Variants in MTOR observed in about 807,000 individuals in gnomAD.
MTOR encodes the protein serine/threonine-protein kinase mTOR.
In MTOR, 70 loss-of-function variants were observed where a neutral mutation model predicts 319.8. That is an observed-to-expected ratio of 0.22 (90% CI 0.18 to 0.27). MTOR has a LOEUF of 0.27. Among genes scored for constraint, MTOR ranks in the 10% least tolerant of loss-of-function variants. The pLI is 1.00. For synonymous variants in MTOR, 1,183 were observed against 1,211.4 expected (o/e 0.98, Z 0.49); for missense variants, 1,890 against 3,274.4 (o/e 0.58, Z 10.32).
rs1642538943 is a variant in MTOR, at chr1:11,121,747, A to ATT, written c.6810+230_6810+231dup. On this transcript the variant is annotated intron_variant, in intron 48 of 57. Coordinates refer to ENST00000361445, the MANE Select transcript of MTOR (RefSeq NM_004958.4). This position sits in a 1 kb window ranked among gnomAD's most constrained non-coding sequence, Gnocchi z 4.9. ...CATTAGTAAATATATGGTGCCGAAT[A>ATT]TTTATCTGTCTAGTCTTCCCTAGGA... Among the ~76,000 whole-genome samples the ATT allele has an allele frequency of 6.6e-6, 1 of 152,174 alleles. No individual in the cohort carries two copies. Among genetic ancestry groups the ATT allele is most frequent in the Non-Finnish European group, 1.5e-5 (1 of 68,020 alleles).
At chr1:11,169,092 G>A (rs1644732701) in intron 28 of MTOR, among the ~76,000 whole-genome samples, 1 of 152,164 alleles carries the variant, frequency 6.6e-6, no homozygotes, top group South Asian at 2.1e-4. Flanking sequence ...CAGGATTTGA[G>A]TTCAATGTGG....
intron 28 of MTOR, among the ~76,000 whole-genome samples, chr1:11,174,301 G>A (rs994930317): frequency 6.6e-6 from 1 of 152,178 alleles, no homozygotes; most frequent in Non-Finnish European, 1.5e-5. Flanking sequence ...TGGGTGGGAT[G>A]TTTCCATTAA....
chr1:11,260,281 G>A (rs1056426841), intron 1 of MTOR, among the ~76,000 whole-genome samples: 3 of 152,276 alleles, frequency 2.0e-5, no homozygotes, highest in East Asian at 1.9e-4. Context: ...AGTGGCTCAC[G>A]CCTGTAATCC....
chr1:11,193,881 T>C, intron 28 of MTOR: 1 of 1,135,650 alleles, frequency 8.8e-7, no homozygotes, highest in Non-Finnish European at 1.2e-6. Flanking sequence ...AATCTGTATA[T>C]TCATTGTGAT....
chr1:11,184,193 T>C (rs1645241966), intron 28 of MTOR, among the ~76,000 whole-genome samples: 1 of 152,206 alleles, frequency 6.6e-6, no homozygotes, highest in Admixed American at 6.5e-5. Context: ...TATGAGATAG[T>C]TTTGATTTTT....
chr1:11,157,473 T>A (rs1046122431), intron 29 of MTOR, among the ~76,000 whole-genome samples, 182 bp from the exon 30 acceptor site: 2 of 152,072 alleles, frequency 1.3e-5, no homozygotes, highest in Non-Finnish European at 2.9e-5. Flanking sequence ...TTGGGGAAGG[T>A]GGAAATACTG....
At chr1:11,248,323 AGCAGCAGAGG>A (rs1407936563) in intron 6 of MTOR, among the ~76,000 whole-genome samples, 1 of 152,234 alleles carries the variant, frequency 6.6e-6, no homozygotes, top group East Asian at 1.9e-4. Flanking sequence ...ACAATAAAGC[AGCAGCAGAGG>A]GCTGCCTTGC....
At chr1:11,122,991 A>G (rs1642623275) in intron 47 of MTOR, among the ~76,000 whole-genome samples, 1 of 152,164 alleles carries the variant, frequency 6.6e-6, no homozygotes, top group Non-Finnish European at 1.5e-5. Flanking sequence ...AGTGACTAAA[A>G]TACCTCTCAA....
chr1:11,227,234 G>C (rs558729281), intron 19 of MTOR, among the ~76,000 whole-genome samples: 66 of 143,236 alleles, frequency 4.6e-4, no homozygotes, highest in Admixed American at 8.6e-4. Context: ...AGAGGCAGAG[G>C]CTGCAATGAA....
At chr1:11,194,667 T>C (rs1645709505) in intron 28 of MTOR, 1 of 1,614,024 alleles carries the variant, frequency 6.2e-7, no homozygotes, top group Non-Finnish European at 8.5e-7. Flanking sequence ...AAGGTGAGAT[T>C]TGGGGGGACC....
Position 11,115,537 on chromosome 1 carries a change from G to A in MTOR, c.7017-69C>T, listed in dbSNP as rs1046525582. On this transcript the variant is annotated intron_variant, in intron 50 of 57. Transcript: ENST00000361445. This position sits in a 1 kb window ranked among gnomAD's most constrained non-coding sequence, Gnocchi z 4.5. The stretch of plus-strand genomic sequence containing the variant: ...AACGGATGAAAAAATCAATAAGTAC[G>A]TGATACTGTAAGCTAGGAGTTGGCA... 2.8e-6 allele frequency: 4 copies of A among 1,449,578 alleles called. No homozygotes were observed. The highest frequency in any genetic ancestry group is 3.9e-6 in the Non-Finnish European group (4 of 1,031,314). 89.8% of individuals were successfully genotyped at this position (1,449,578 alleles called of 1,614,324 possible). A position where few individuals can be genotyped will look rare whatever the true frequency, so the allele number is the denominator to read the frequency against.
At chr1:11,240,668 A>T in intron 10 of MTOR, 121 bp from the exon 11 acceptor site, 2 of 1,235,658 alleles carry the variant, frequency 1.6e-6, no homozygotes. Context: ...AGTAGAAAGG[A>T]TATTATAAAA....
At chr1:11,222,228 G>A (rs565310391) in intron 19 of MTOR, among the ~76,000 whole-genome samples, 4 of 148,558 alleles carry the variant, frequency 2.7e-5, no homozygotes, top group Non-Finnish European at 4.4e-5. Context: ...ACGGAGTCTC[G>A]CTCTGTCACC....
rs1442787240 is a variant in MTOR, at chr1:11,243,134, G to A, written c.1392C>T (p.Pro464=). ...CTTACTTATGGGCGAAGTCCTTTGGGGGCAGGGCCGCTCGGATGATGTCCA... is the reference window on the plus strand; with the variant it reads ...CTTACTTATGGGCGAAGTCCTTTGGAGGCAGGGCCGCTCGGATGATGTCCA... ...RVLDIIRAAL[P]PKDFAHKRQK... Residue 464 remains proline, a synonymous_variant, in exon 9 of 58, where the codon CCC becomes CCT. Transcript: ENST00000361445. 1 of 1,614,152 alleles carries A rather than the reference G, an allele frequency of 6.2e-7. No homozygotes were observed. The highest frequency in any genetic ancestry group is 8.5e-7 in the Non-Finnish European group (1 of 1,180,046).
chr1:11,249,165 A>G (rs935324834), intron 6 of MTOR, among the ~76,000 whole-genome samples: 2 of 145,772 alleles, frequency 1.4e-5, no homozygotes, highest in Non-Finnish European at 3.0e-5. Flanking sequence ...CGGAGGTTGC[A>G]GTGAGCCGAG....
intron 9 of MTOR, among the ~76,000 whole-genome samples, chr1:11,242,500 C>CAGA (rs1648193286): frequency 3.8e-5 from 2 of 52,632 alleles, no homozygotes; most frequent in Admixed American, 2.9e-4. Flanking sequence ...GACTCCATCT[C>CAGA]AAAAAAAAAA....
At chr1:11,126,906 A>G (rs1363216920) in intron 45 of MTOR, 104 bp downstream of exon 45, 36 of 1,573,634 alleles carry the variant, frequency 2.3e-5, no homozygotes, top group Non-Finnish European at 3.1e-5. Flanking sequence ...CCCAAAGCAG[A>G]AGTAAAACCA....
chr1:11,183,946 A>C (rs1318617862), intron 28 of MTOR, among the ~76,000 whole-genome samples: 2 of 152,228 alleles, frequency 1.3e-5, no homozygotes, highest in African/African-American at 4.8e-5. Flanking sequence ...GAAAGGAATA[A>C]ATACATAAAT....
rs746830077 is a variant in MTOR at position 11,126,794 on chromosome 1, G to C, written c.6354C>G (p.Leu2118=). ...FRRISKQLPQ[L]TSLELQYVSP... Reference sequence around the variant, plus strand: ...AAACATATTGCAGCTCTAAGGATGTGAGCTGTAAATAATTACCAAAGGATT... The same window carrying C: ...AAACATATTGCAGCTCTAAGGATGTCAGCTGTAAATAATTACCAAAGGATT... Residue 2118 remains leucine (L), a splice_region_variant and synonymous_variant, in exon 46 of 58, where the codon CTC becomes CTG. Transcript: ENST00000361445. 1.2e-6 allele frequency: 2 copies of C among 1,613,420 alleles called. No homozygotes were observed. The highest frequency in any genetic ancestry group is 1.7e-5 in the Admixed American group (1 of 59,918).
Sources: allele counts gnomAD v4.1 joint callset (sites outside exome capture counted in the v4.1 genomes callset), GRCh38; gene constraint gnomAD v4.1.1; non-coding constraint Gnocchi (gnomAD v3.1); transcripts MANE v1.5; gene names NCBI Gene and HGNC (gene_info 2026-07-23, HGNC 2026-07-21).